The following OSTM1 variants were observed in gnomAD, a reference collection of about 807,000 sequenced individuals.
The protein encoded by OSTM1 is osteopetrosis-associated transmembrane protein 1.
Under a neutral mutation model 35.4 loss-of-function variants are expected in OSTM1, and 26 were observed. The ratio of observed to expected loss-of-function variants is 0.73; its 90% CI spans 0.54 to 1.02. The LOEUF (loss-of-function observed/expected upper bound fraction) is 1.02, where lower values mean the gene tolerates loss of function less well. Ranked by LOEUF, OSTM1 falls within the 50% of genes least tolerant of loss-of-function variation. OSTM1 has a pLI of 0.00. For missense variants in OSTM1, 366 were observed against 409.6 expected, an observed-to-expected ratio of 0.89 and a Z score of 0.92; for synonymous variants, 181 against 165.0, an observed-to-expected ratio of 1.10 and a Z score of -0.75.
At chr6:108,070,277 G>A (rs967708566) in intron 1 of OSTM1, among the ~76,000 whole-genome samples, 1 of 152,010 alleles carries the variant, frequency 6.6e-6, no homozygotes, top group Non-Finnish European at 1.5e-5. Context: ...GGCCTCAAGC[G>A]ATCCACCTGC....
chr6:108,048,068 C>G (rs570267956), intron 5 of OSTM1, among the ~76,000 whole-genome samples: 1 of 152,272 alleles, frequency 6.6e-6, no homozygotes, highest in East Asian at 1.9e-4. Flanking sequence ...ACACCCATGA[C>G]AAAGACTCTC....
At chr6:108,047,123 G>T (rs1770322385) in intron 5 of OSTM1, among the ~76,000 whole-genome samples, 1 of 152,202 alleles carries the variant, frequency 6.6e-6, no homozygotes, top group Non-Finnish European at 1.5e-5. Context: ...ATTTAAATTA[G>T]TTTAAGTGAT....
At position 108,049,520 on chromosome 6, in the gene OSTM1, C is replaced by T. The variant is rs1582387503; in HGVS notation, c.784-102G>A. 3 of 1,570,650 alleles carry T rather than the reference C, an allele frequency of 1.9e-6. No individual in the cohort carries two copies. In the East Asian group the frequency reaches 7.2e-5, roughly 38 times the overall value. On this transcript the variant is annotated intron_variant, in intron 4 of 5. Transcript: ENST00000193322. ...ACTAAACAGGAATCTAGAATTTAGA[C>T]TCAATACATACCTCTAAAAACCTAC...
At chr6:108,065,959 T>C (rs1183977185) in intron 1 of OSTM1, among the ~76,000 whole-genome samples, 3 of 144,222 alleles carry the variant, frequency 2.1e-5, no homozygotes, top group Non-Finnish European at 3.1e-5. Context: ...GGAAGCAGGA[T>C]ATGAACTAAG....
intron 2 of OSTM1, among the ~76,000 whole-genome samples, chr6:108,062,031 G>GT (rs199788618): frequency 0.037 from 5,520 of 150,188 alleles, 271 homozygotes; most frequent in African/African-American, 0.12. Context: ...CTATTTCTAT[G>GT]TTTTTTTTTC....
chr6:108,059,326 A>G (rs1267216244), intron 2 of OSTM1, among the ~76,000 whole-genome samples: 35 of 152,194 alleles, frequency 2.3e-4, no homozygotes, highest in Admixed American at 2.2e-3. Context: ...TATTTGTAGT[A>G]TGAGTAGAAA....
chr6:108,071,623 A>T (rs1265912025), intron 1 of OSTM1, among the ~76,000 whole-genome samples: 1 of 151,846 alleles, frequency 6.6e-6, no homozygotes, highest in East Asian at 1.9e-4. Flanking sequence ...TCATAAGTTC[A>T]TTATTATACA....
chr6:108,065,546 C>T (rs1416801257), intron 1 of OSTM1, among the ~76,000 whole-genome samples: 1 of 152,122 alleles, frequency 6.6e-6, no homozygotes, highest in Non-Finnish European at 1.5e-5. Context: ...CCTATTATCA[C>T]TTCTTAAGTA....
rs768044493 is a variant in OSTM1 at position 108,044,766 on chromosome 6, A to G, written c.*19T>C. 6.9e-7 allele frequency: 1 copy of G among 1,456,242 alleles called. No homozygotes were observed. Among genetic ancestry groups the G allele is most frequent in the Non-Finnish European group, 9.6e-7 (1 of 1,042,722 alleles). 90.2% of individuals were successfully genotyped at this position (1,456,242 alleles called of 1,614,324 possible). A position where few individuals can be genotyped will look rare whatever the true frequency, so the allele number is the denominator to read the frequency against. On this transcript the variant is annotated 3_prime_UTR_variant, in exon 6 of 6. Coordinates refer to ENST00000193322, the MANE Select transcript of OSTM1 (RefSeq NM_014028.4). Reference sequence around the variant, plus strand: ...CACCATTCATTCACGTGATATGTCAATTCTCCATTTTGTAGGTCTCAGTTT... The same window carrying G: ...CACCATTCATTCACGTGATATGTCAGTTCTCCATTTTGTAGGTCTCAGTTT...
chr6:108,048,913 G>A (rs1381462425), intron 5 of OSTM1, among the ~76,000 whole-genome samples: 2 of 151,706 alleles, frequency 1.3e-5, no homozygotes, highest in Non-Finnish European at 2.9e-5. Context: ...CATCATGCCC[G>A]GCTAATTTTT....
Position 108,053,191 on chromosome 6 carries a change from A to G in OSTM1, c.615+1299T>C, listed in dbSNP as rs1489680141. Among the ~76,000 whole-genome samples, 5 of 152,230 alleles carry G rather than the reference A, an allele frequency of 3.3e-5. No homozygotes were observed. In the East Asian group the frequency reaches 9.6e-4, roughly 29 times the overall value. The stretch of plus-strand genomic sequence containing the variant: ...ACTTCTAGAAATCTACCAAACTCAT[A>G]CAAGTACTCTAAGTTAAATGAAAAG... On this transcript the variant is annotated intron_variant, in intron 3 of 5. Coordinates refer to ENST00000193322, the MANE Select transcript of OSTM1 (RefSeq NM_014028.4).
At chr6:108,069,093 C>T (rs1302930425) in intron 1 of OSTM1, among the ~76,000 whole-genome samples, 1 of 152,184 alleles carries the variant, frequency 6.6e-6, no homozygotes, top group African/African-American at 2.4e-5. Flanking sequence ...CAGTCATACT[C>T]AAGATCAGCA....
intron 4 of OSTM1, among the ~76,000 whole-genome samples, chr6:108,050,143 T>G (rs994658300): frequency 1.3e-5 from 2 of 152,192 alleles, no homozygotes; most frequent in African/African-American, 4.8e-5. Context: ...GCCCATTATA[T>G]GCTAGACTGT....
rs770042923 is a variant in OSTM1 at position 108,064,271 on chromosome 6, C to T, written c.431G>A (p.Arg144Lys). 2.1e-5 allele frequency: 33 copies of T among 1,589,936 alleles called. No homozygotes were observed. In the Admixed American group the frequency reaches 5.2e-4, roughly 25 times the overall value. ...GNTSESQSCA[R>K]SLLMADRMQI... ...CATTCTATCTGCCATTAAGAGACTT[C>T]TGGCACAACTCTGACTCTCTGAAGT... Residue 144 changes from arginine (R) to lysine (K), a missense_variant, in exon 2 of 6, where the codon AGA becomes AAA. By Grantham distance (26) the Arg-to-Lys change is conservative (BLOSUM62 2). This residue lies in a region of OSTM1 where 236 missense variants were observed against 239.3 expected (regional missense o/e 0.99). Transcript: ENST00000193322.
At chr6:108,067,189 A>C (rs1772395208) in intron 1 of OSTM1, among the ~76,000 whole-genome samples, 1 of 151,636 alleles carries the variant, frequency 6.6e-6, no homozygotes, top group African/African-American at 2.4e-5. Flanking sequence ...TCTCTCTCCC[A>C]CTCTTTACTC....
intron 3 of OSTM1, among the ~76,000 whole-genome samples, chr6:108,052,210 G>T (rs940533463): frequency 6.6e-6 from 1 of 152,040 alleles, no homozygotes; most frequent in African/African-American, 2.4e-5. Context: ...CGAGGTGGGC[G>T]GATCACAAGG....
chr6:108,068,582 T>A lies in OSTM1; in HGVS notation c.403-4283A>T, dbSNP rs898890111. The stretch of plus-strand genomic sequence containing the variant: ...AACCTCCAAGCCTGTAATTTCTGCC[T>A]CCTAAGTATCTCTGAAATCCACCCA... On this transcript the variant is annotated intron_variant, in intron 1 of 5. Coordinates refer to ENST00000193322, the MANE Select transcript of OSTM1 (RefSeq NM_014028.4). Among the ~76,000 whole-genome samples the A allele has an allele frequency of 4.6e-5, 7 of 152,188 alleles. No individual in the cohort carries two copies. The South Asian group carries it at 1.4e-3, about 32-fold the overall frequency.
chr6:108,066,894 C>T (rs1428454894), intron 1 of OSTM1, among the ~76,000 whole-genome samples: 3 of 152,150 alleles, frequency 2.0e-5, no homozygotes, highest in African/African-American at 4.8e-5. Flanking sequence ...CCCAACACCT[C>T]GCCAAGTGAC....
At position 108,049,434 on chromosome 6, in the gene OSTM1, A is replaced by G. The variant is rs2114591422; in HGVS notation, c.784-16T>C. ...TGATGTTCATCTGGAACAAGAGCAA[A>G]CAATATCTTTCTATTTTATATTTAA... On this transcript the variant is annotated splice_polypyrimidine_tract_variant and intron_variant, in intron 4 of 5. Transcript: ENST00000193322. 1 of 1,611,996 alleles carries G rather than the reference A, an allele frequency of 6.2e-7. No individual in the cohort carries two copies. The highest frequency in any genetic ancestry group is 8.5e-7 in the Non-Finnish European group (1 of 1,178,264).
Sources: allele counts gnomAD v4.1 joint callset (sites outside exome capture counted in the v4.1 genomes callset), GRCh38; gene constraint gnomAD v4.1.1; regional missense constraint gnomAD v4.1.1; transcripts MANE v1.5; gene names NCBI Gene and HGNC (gene_info 2026-07-23, HGNC 2026-07-21).